CAMK4: variants seen among roughly 807,000 people sequenced by gnomAD.
The protein encoded by CAMK4 is calcium/calmodulin-dependent protein kinase type IV.
Under a neutral mutation model 44.9 loss-of-function variants are expected in CAMK4, and 22 were observed. That is an observed-to-expected ratio of 0.49 (90% CI 0.35 to 0.70). CAMK4 has a LOEUF of 0.70. Ranked by LOEUF, CAMK4 falls within the 30% of genes least tolerant of loss-of-function variation. The probability of loss-of-function intolerance (pLI) is 0.01; values close to 1 mark genes in which losing one functional copy is unlikely to be tolerated. For synonymous variants in CAMK4, 218 were observed against 215.4 expected (o/e 1.01, Z -0.11); for missense variants, 498 against 586.8 (o/e 0.85, Z 1.56).
intron 5 of CAMK4, among the ~76,000 whole-genome samples, chr5:111,423,524 T>C (rs1288355789): frequency 6.6e-6 from 1 of 152,236 alleles, no homozygotes; most frequent in African/African-American, 2.4e-5. Flanking sequence ...CCCTTGAATG[T>C]TGGAACCATT....
At chr5:111,258,028 A>G (rs1749814386) in intron 1 of CAMK4, among the ~76,000 whole-genome samples, 1 of 152,150 alleles carries the variant, frequency 6.6e-6, no homozygotes, top group South Asian at 2.1e-4. Context: ...GGGGAGGGAG[A>G]GTATCAGGAT....
In CAMK4 at chr5:111,458,045, G is replaced by A. The variant is rs565352313; in HGVS notation, c.625+8842G>A. On this transcript the variant is annotated intron_variant, in intron 7 of 10. Transcript: ENST00000282356. ...TGGACAATGGGAAAACGACCATCAG[G>A]GAAGGGGAGAGGAAGTGAGGCAGAG... 7.5e-4 allele frequency among the ~76,000 whole-genome samples: 115 copies of A among 152,332 alleles called. No homozygotes were observed. In the Middle Eastern group the frequency reaches 0.014, roughly 18 times the overall value.
At chr5:111,273,657 G>A (rs897646302) in intron 1 of CAMK4, among the ~76,000 whole-genome samples, 9 of 127,966 alleles carry the variant, frequency 7.0e-5, no homozygotes, top group African/African-American at 1.7e-4. Context: ...AATGTTATCC[G>A]TCAGCTTTAA....
intron 1 of CAMK4, among the ~76,000 whole-genome samples, chr5:111,338,302 A>G (rs1274621014): frequency 6.6e-6 from 1 of 151,172 alleles, no homozygotes; most frequent in Admixed American, 6.6e-5. Flanking sequence ...TAACTATATT[A>G]TTAAGAGCTC....
chr5:111,251,777 G>A (rs1749506008), intron 1 of CAMK4, among the ~76,000 whole-genome samples: 1 of 152,120 alleles, frequency 6.6e-6, no homozygotes, highest in African/African-American at 2.4e-5. Context: ...AGTTCAATAT[G>A]TATTCACTAA....
chr5:111,402,469 G>A (rs759938928), intron 5 of CAMK4, among the ~76,000 whole-genome samples: 1 of 152,224 alleles, frequency 6.6e-6, no homozygotes, highest in Non-Finnish European at 1.5e-5. Context: ...TCTGTATTTA[G>A]TACTGAGTGT....
At chr5:111,347,677 T>G (rs1749925019) in intron 2 of CAMK4, among the ~76,000 whole-genome samples, 1 of 151,988 alleles carries the variant, frequency 6.6e-6, no homozygotes, top group African/African-American at 2.4e-5. Context: ...CTGTCCAGAT[T>G]TCTCTCTTCT....
intron 5 of CAMK4, among the ~76,000 whole-genome samples, chr5:111,427,942 C>T (rs1019511743): frequency 2.0e-5 from 3 of 152,260 alleles, no homozygotes; most frequent in African/African-American, 7.2e-5. Flanking sequence ...AGACCCAGCG[C>T]TGTGCTGGCT....
At chr5:111,335,208 C>G (rs554406022) in intron 1 of CAMK4, among the ~76,000 whole-genome samples, 1 of 151,622 alleles carries the variant, frequency 6.6e-6, no homozygotes, top group Non-Finnish European at 1.5e-5. Context: ...AAACATCCCA[C>G]TATGTCCTCT....
intron 4 of CAMK4, among the ~76,000 whole-genome samples, chr5:111,378,128 C>A (rs1751282586): frequency 6.6e-6 from 1 of 151,914 alleles, no homozygotes; most frequent in Non-Finnish European, 1.5e-5. Flanking sequence ...GTGGAGCCCT[C>A]CAGAATGAGA....
intron 1 of CAMK4, among the ~76,000 whole-genome samples, chr5:111,335,708 C>T (rs1485052733): frequency 6.6e-6 from 1 of 151,242 alleles, no homozygotes; most frequent in African/African-American, 2.4e-5. Context: ...GAGCCTTCCC[C>T]TCCATCCATA....
intron 1 of CAMK4, among the ~76,000 whole-genome samples, chr5:111,335,925 T>C (rs1346562151): frequency 6.6e-6 from 1 of 151,344 alleles, no homozygotes; most frequent in African/African-American, 2.4e-5. Flanking sequence ...ATGAAAAATA[T>C]GGTGGTCTAT....
At chr5:111,271,980 G>A (rs1167585006) in intron 1 of CAMK4, among the ~76,000 whole-genome samples, 2 of 152,078 alleles carry the variant, frequency 1.3e-5, no homozygotes, top group Non-Finnish European at 2.9e-5. Context: ...TAAATATTCT[G>A]AGAAGTATTA....
chr5:111,357,753 C>T (rs534364822), intron 2 of CAMK4, among the ~76,000 whole-genome samples: 6 of 152,108 alleles, frequency 3.9e-5, no homozygotes, highest in African/African-American at 7.2e-5. Context: ...CTCACTTTAA[C>T]GGTAAAGGAG....
At chr5:111,315,334 G>A (rs1471417826) in intron 1 of CAMK4, among the ~76,000 whole-genome samples, 1 of 152,096 alleles carries the variant, frequency 6.6e-6, no homozygotes, top group Non-Finnish European at 1.5e-5. Flanking sequence ...GCAGTTTAAT[G>A]AATATTGATT....
intron 1 of CAMK4, among the ~76,000 whole-genome samples, chr5:111,278,762 C>G (rs547262505): frequency 6.6e-6 from 1 of 152,132 alleles, no homozygotes; most frequent in African/African-American, 2.4e-5. Context: ...GGGTTTTTGC[C>G]TCCTGCAAAG....
intron 1 of CAMK4, among the ~76,000 whole-genome samples, chr5:111,226,253 C>T (rs1374083855): frequency 6.6e-6 from 1 of 152,156 alleles, no homozygotes; most frequent in Non-Finnish European, 1.5e-5. Context: ...AAGAAATTCA[C>T]TTTAATTTGA....
At chr5:111,289,378 A>C (rs567298841) in intron 1 of CAMK4, among the ~76,000 whole-genome samples, 2 of 152,252 alleles carry the variant, frequency 1.3e-5, no homozygotes, top group African/African-American at 4.8e-5. Context: ...AAGAAATACA[A>C]TGAAGTCAAA....
intron 7 of CAMK4, among the ~76,000 whole-genome samples, chr5:111,463,500 C>T (rs1754712611): frequency 6.6e-6 from 1 of 152,216 alleles, no homozygotes; most frequent in African/African-American, 2.4e-5. Context: ...CTGATGCTCT[C>T]TTGAAAGTGC....
Sources: gnomAD v4.1 joint callset for allele counts (sites outside exome capture counted in the v4.1 genomes callset) on GRCh38, gnomAD v4.1.1 for gene constraint, MANE v1.5 for transcripts, NCBI Gene and HGNC (gene_info 2026-07-23, HGNC 2026-07-21) for gene names.